Variants in MRPS22 observed in about 807,000 individuals in gnomAD.
MRPS22 encodes small ribosomal subunit protein mS22.
A neutral mutation model predicts 44.0 loss-of-function variants in MRPS22; 30 were observed. The ratio of observed to expected loss-of-function variants is 0.68; its 90% CI spans 0.51 to 0.93. The LOEUF is 0.93. Ranked by LOEUF, MRPS22 falls within the 40% of genes least tolerant of loss-of-function variation. MRPS22 has a pLI of 0.00. For missense variants in MRPS22, 447 were observed against 447.8 expected (o/e 1.00, Z 0.02); for synonymous variants, 165 against 154.4 (o/e 1.07, Z -0.51).
At chr3:139,348,600 C>G (rs1941090297) in intron 3 of MRPS22, 1 of 379,280 alleles carries the variant, frequency 2.6e-6, no homozygotes, top group Non-Finnish European at 4.8e-6. Flanking sequence ...CAGACAGAAA[C>G]CCATCCCAAA....
At chr3:139,344,304 G>A in intron 1 of MRPS22, 106 bp downstream of exon 1, 3 of 1,241,822 alleles carry the variant, frequency 2.4e-6, no homozygotes, top group Non-Finnish European at 2.3e-6. Flanking sequence ...GTATCCTAGC[G>A]CTTCCTCAGA....
chr3:139,354,430 G>C (rs529027489), intron 6 of MRPS22, among the ~76,000 whole-genome samples: 2 of 152,160 alleles, frequency 1.3e-5, no homozygotes, highest in South Asian at 4.1e-4. Flanking sequence ...AAGGCCACAT[G>C]CCTAAGCTCC....
Position 139,350,720 on chromosome 3 carries a change from G to C in MRPS22, c.649-257G>C, listed in dbSNP as rs1005513023. 27 of 498,540 alleles carry C rather than the reference G, an allele frequency of 5.4e-5. No homozygotes were observed. In the Admixed American group the frequency reaches 7.7e-4, roughly 14 times the overall value. The allele number at this position is 498,540 out of a possible 1,614,324, so 30.9% of individuals were successfully genotyped here. On this transcript the variant is annotated intron_variant, in intron 4 of 7. Coordinates refer to ENST00000680020, the MANE Select transcript of MRPS22 (RefSeq NM_020191.4). ...CAAAGTGCTGGGATTACAGGCGTGA[G>C]CCACCATGCCTGGCCGACTTCTTTC... is the stretch of plus-strand genomic sequence containing the variant.
chr3:139,344,048 G>C lies in MRPS22; in HGVS notation c.22G>C (p.Val8Leu). 6.2e-7 allele frequency: 1 copy of C among 1,614,196 alleles called. No homozygotes were observed. The highest frequency in any genetic ancestry group is 8.5e-7 in the Non-Finnish European group (1 of 1,180,032). The part of the protein sequence containing the change: MAPLGTT[V>L]LLWSLLRSSP... Reference sequence around the variant, plus strand: ...AATCATGGCGCCCCTCGGAACAACTGTATTGCTGTGGAGCCTCTTGAGGAG... The same window carrying C: ...AATCATGGCGCCCCTCGGAACAACTCTATTGCTGTGGAGCCTCTTGAGGAG... The change falls in exon 1 of 8, where the codon GTA becomes CTA. Residue 8 changes from valine to leucine, a missense_variant. By Grantham distance (32) the Val-to-Leu change is conservative. Transcript: ENST00000680020.
rs191633691 is a variant in MRPS22, at chr3:139,350,488, C to T, written c.648+166C>T. ...TTTTGCCCAGGCTGAAGTGCAGTGG[C>T]GGGATCTCAGCTCACTGCAACCTCC... is the stretch of plus-strand genomic sequence containing the variant. On this transcript the variant is annotated intron_variant, in intron 4 of 7. Coordinates refer to ENST00000680020, the MANE Select transcript of MRPS22 (RefSeq NM_020191.4). 54 of 711,498 alleles carry T rather than the reference C, an allele frequency of 7.6e-5. No homozygotes were observed. The Middle Eastern group carries it at 1.2e-3, about 16-fold the overall frequency. The allele number at this position is 711,498 out of a possible 1,614,324, so 44.1% of individuals were successfully genotyped here.
In MRPS22 at chr3:139,350,321, G is replaced by C; in HGVS notation, c.647G>C (p.Arg216Thr). ...ATAATTTTCAAGGAAGAAAATCTTAGGGTAAGGTGACTTAGGTTTTATGTT... is the reference window on the plus strand; with the variant it reads ...ATAATTTTCAAGGAAGAAAATCTTACGGTAAGGTGACTTAGGTTTTATGTT... ...TPIIFKEENLRTMYSQDRHVD... is the reference protein window; with the variant it reads ...TPIIFKEENLTTMYSQDRHVD... The change falls in exon 4 of 8, where the codon AGG becomes ACG. Residue 216 changes from arginine (R) to threonine (T), a missense_variant and splice_region_variant. By Grantham distance (71) the Arg-to-Thr change is moderately conservative. Coordinates refer to ENST00000680020, the MANE Select transcript of MRPS22 (RefSeq NM_020191.4). 2 of 1,614,032 alleles carry C rather than the reference G, an allele frequency of 1.2e-6. No individual in the cohort carries two copies. The highest frequency in any genetic ancestry group is 1.7e-6 in the Non-Finnish European group (2 of 1,180,012).
chr3:139,355,851 A>G (rs1433276970), intron 7 of MRPS22, 61 bp downstream of exon 7: 18 of 1,226,370 alleles, frequency 1.5e-5, no homozygotes, highest in East Asian at 1.4e-4. Flanking sequence ...AAAAATTCAG[A>G]ATTGGGTCAT....
chr3:139,352,673 A>G lies in MRPS22; in HGVS notation c.759A>G (p.Ile253Met). ...TTCATCACAAGACCTATGAAGATATAGATAAACGTGGAAAATATGACCTTT... is the reference window on the plus strand; with the variant it reads ...TTCATCACAAGACCTATGAAGATATGGATAAACGTGGAAAATATGACCTTT... ...IKVHHKTYEDIDKRGKYDLLR... is the reference protein window; with the variant it reads ...IKVHHKTYEDMDKRGKYDLLR... Residue 253 changes from isoleucine (I) to methionine (M), a missense_variant, in exon 6 of 8, where the codon ATA becomes ATG. Physicochemically the swap from Ile to Met is conservative, Grantham distance 10. Coordinates refer to ENST00000680020, the MANE Select transcript of MRPS22 (RefSeq NM_020191.4). 1 of 1,613,452 alleles carries G rather than the reference A, an allele frequency of 6.2e-7. No homozygotes were observed. The highest frequency in any genetic ancestry group is 8.5e-7 in the Non-Finnish European group (1 of 1,179,418).
intron 3 of MRPS22, among the ~76,000 whole-genome samples, chr3:139,348,745 A>C (rs1230500405): frequency 6.6e-6 from 1 of 152,240 alleles, no homozygotes; most frequent in Non-Finnish European, 1.5e-5. Context: ...TGATGCCAAG[A>C]AACTCAGGCA....
At chr3:139,344,221 G>C in intron 1 of MRPS22, 23 bp downstream of exon 1, 1 of 1,585,984 alleles carries the variant, frequency 6.3e-7, no homozygotes, top group Non-Finnish European at 8.6e-7. Context: ...CCGGACTTTC[G>C]CTGGGGCGTT....
intron 2 of MRPS22, among the ~76,000 whole-genome samples, chr3:139,347,351 C>T (rs1346632367): frequency 6.6e-6 from 1 of 152,092 alleles, no homozygotes; most frequent in East Asian, 1.9e-4. Context: ...GGAGAAACAT[C>T]TACTGTGATC....
intron 1 of MRPS22, among the ~76,000 whole-genome samples, chr3:139,345,511 A>T (rs1941026017): frequency 7.8e-6 from 1 of 128,170 alleles, no homozygotes; most frequent in Non-Finnish European, 1.5e-5. Context: ...GGTTGTTGTG[A>T]GTATTAAATG....
rs1372002327 is a variant in MRPS22, at chr3:139,352,628, T to G, written c.733-19T>G. 6.2e-7 allele frequency: 1 copy of G among 1,610,140 alleles called. No homozygotes were observed. The highest frequency in any genetic ancestry group is 8.5e-7 in the Non-Finnish European group (1 of 1,176,768). On this transcript the variant is annotated intron_variant, in intron 5 of 7. Coordinates refer to ENST00000680020, the MANE Select transcript of MRPS22 (RefSeq NM_020191.4). The stretch of plus-strand genomic sequence containing the variant: ...TTCTTATTTTCATGTTTCTGAAGAG[T>G]TGCATTTTATGTGGATAGGTTCATC...
chr3:139,350,064 A>C, intron 3 of MRPS22, 115 bp from the exon 4 acceptor site: 2 of 1,232,346 alleles, frequency 1.6e-6, no homozygotes, highest in Non-Finnish European at 2.4e-6. Flanking sequence ...TCTCATATGC[A>C]TGATTGCATT....
chr3:139,355,119 A>G (rs928674300), intron 6 of MRPS22, among the ~76,000 whole-genome samples: 16 of 152,122 alleles, frequency 1.1e-4, no homozygotes, highest in Non-Finnish European at 1.9e-4. Flanking sequence ...TATAATTTCA[A>G]ATTTGCTTCA....
At chr3:139,349,023 G>A (rs1321032060) in intron 3 of MRPS22, 2 of 267,994 alleles carry the variant, frequency 7.5e-6, no homozygotes, top group Non-Finnish European at 1.5e-5. Flanking sequence ...TTAGGAGAAG[G>A]TTCACTCCAT....
intron 6 of MRPS22, 33 bp from the exon 7 acceptor site, chr3:139,355,648 AC>A: frequency 6.6e-7 from 1 of 1,522,866 alleles, no homozygotes; most frequent in Non-Finnish European, 9.1e-7. Context: ...AATGAAGAAA[AC>A]CCCTAGATAA....
intron 2 of MRPS22, among the ~76,000 whole-genome samples, chr3:139,347,847 C>G (rs1266697494): frequency 6.6e-6 from 1 of 152,234 alleles, no homozygotes; most frequent in African/African-American, 2.4e-5. Flanking sequence ...TGAACACTAT[C>G]TGGCACATAG....
Position 139,344,056 on chromosome 3 carries a change from G to A in MRPS22, c.30G>A (p.Leu10=), listed in dbSNP as rs778680018. The A allele has an allele frequency of 1.4e-5, 23 of 1,614,164 alleles. No individual in the cohort carries two copies. The highest frequency in any genetic ancestry group is 1.1e-4 in the East Asian group (5 of 44,852). Residue 10 remains leucine, a synonymous_variant, in exon 1 of 8, where the codon CTG becomes CTA. Coordinates refer to ENST00000680020, the MANE Select transcript of MRPS22 (RefSeq NM_020191.4). Reference sequence around the variant, plus strand: ...CGCCCCTCGGAACAACTGTATTGCTGTGGAGCCTCTTGAGGAGTTCTCCGG... The same window carrying A: ...CGCCCCTCGGAACAACTGTATTGCTATGGAGCCTCTTGAGGAGTTCTCCGG... MAPLGTTVL[L]WSLLRSSPGV... is the part of the protein sequence containing the mutation.
Sources: allele counts gnomAD v4.1 joint callset (sites outside exome capture counted in the v4.1 genomes callset), GRCh38; gene constraint gnomAD v4.1.1; transcripts MANE v1.5; gene names NCBI Gene and HGNC (gene_info 2026-07-23, HGNC 2026-07-21).